Variants in SP3 observed in about 807,000 individuals in gnomAD.
SP3 encodes transcription factor Sp3.
SP3 carries 10 observed loss-of-function variants against 70.3 expected under a neutral mutation model. The ratio of observed to expected loss-of-function variants is 0.14; its 90% CI spans 0.09 to 0.24. SP3 has a LOEUF of 0.24. SP3 is among the 10% of genes least tolerant of loss of function. The pLI, the probability that SP3 is intolerant of heterozygous loss-of-function variation, is 1.00. For synonymous variants in SP3, 402 were observed against 333.5 expected, an observed-to-expected ratio of 1.21 and a Z score of -2.24; for missense variants, 825 against 914.6, an observed-to-expected ratio of 0.90 and a Z score of 1.26.
chr2:173,910,332 A>G, intron 6 of SP3, 75 bp from the exon 7 acceptor site: 1 of 1,277,180 alleles, frequency 7.8e-7, no homozygotes, highest in Admixed American at 1.9e-5. Context: ...CCCAAAACAG[A>G]AAGTAAGTCA....
intron 5 of SP3, 49 bp downstream of exon 5, chr2:173,918,544 A>G (rs750200821): frequency 4.0e-6 from 6 of 1,513,202 alleles, no homozygotes; most frequent in Non-Finnish European, 5.4e-6. Flanking sequence ...CAAAAATCAG[A>G]ATGATATTAG....
intron 6 of SP3, among the ~76,000 whole-genome samples, chr2:173,912,287 C>A (rs1009560142): frequency 6.6e-6 from 1 of 152,206 alleles, no homozygotes; most frequent in African/African-American, 2.4e-5. Context: ...ATATGTGAAG[C>A]AACGTCAGAG....
intron 3 of SP3, among the ~76,000 whole-genome samples, chr2:173,957,694 A>G (rs1419021064): frequency 1.3e-5 from 2 of 152,164 alleles, no homozygotes; most frequent in Admixed American, 1.3e-4. Context: ...TAAAAGGTTT[A>G]TAAGCAAGTG....
intron 4 of SP3, among the ~76,000 whole-genome samples, chr2:173,949,973 A>T (rs1272450711): frequency 6.6e-6 from 1 of 152,228 alleles, no homozygotes; most frequent in Non-Finnish European, 1.5e-5. Flanking sequence ...TTGGAAAGAT[A>T]CATAAATTCA....
intron 4 of SP3, among the ~76,000 whole-genome samples, chr2:173,940,692 A>T (rs987844467): frequency 1.3e-5 from 2 of 152,192 alleles, no homozygotes; most frequent in African/African-American, 4.8e-5. Flanking sequence ...TAATTATTCA[A>T]GCAGGCACCC....
At position 173,965,314 on chromosome 2, in the gene SP3, T is replaced by A; in HGVS notation, c.-143A>T. 1 of 969,658 alleles carries A rather than the reference T, an allele frequency of 1.0e-6. No homozygotes were observed. The highest frequency in any genetic ancestry group is 1.6e-6 in the Non-Finnish European group (1 of 641,846). The allele number at this position is 969,658 out of a possible 1,614,324, so 60.1% of individuals were successfully genotyped here. A position where few individuals can be genotyped will look rare whatever the true frequency, so the allele number is the denominator to read the frequency against. On this transcript the variant is annotated 5_prime_UTR_variant, in exon 1 of 7. Coordinates refer to ENST00000310015, the MANE Select transcript of SP3 (RefSeq NM_003111.5). ...GGGGATTTTTTTTTCCTATTTTGAT[T>A]GACTGTGCGGGAAACACAAAAGGTG...
At position 173,955,845 on chromosome 2, in the gene SP3, T is replaced by C; in HGVS notation, c.667A>G (p.Asn223Asp). 10 of 1,614,246 alleles carry C rather than the reference T, an allele frequency of 6.2e-6. No individual in the cohort carries two copies. Among genetic ancestry groups the C allele is most frequent in the Non-Finnish European group, 8.5e-6 (10 of 1,180,030 alleles). ...TLLASGTPSA[N>D]IQNLIPQTGQ... ...GTCTGTGGTATGAGATTCTGGATGT[T>C]AGCAGAAGGTGTTCCAGAGGCAAGT... The change falls in exon 4 of 7, where the codon AAC becomes GAC. Residue 223 changes from asparagine to aspartate, a missense_variant. Transcript: ENST00000310015.
At chr2:173,961,427 A>ACAATATATATG (rs1413798729) in intron 3 of SP3, among the ~76,000 whole-genome samples, 1 of 152,210 alleles carries the variant, frequency 6.6e-6, no homozygotes, top group East Asian at 1.9e-4. Flanking sequence ...ACTTGTTTAA[A>ACAATATATATG]CACAACAATA....
chr2:173,951,351 T>G (rs1042533683), intron 4 of SP3, among the ~76,000 whole-genome samples: 1 of 152,250 alleles, frequency 6.6e-6, no homozygotes, highest in Middle Eastern at 3.2e-3. Flanking sequence ...TCATGTAGTA[T>G]ATGTGTATAC....
chr2:173,908,752 G>T lies in SP3; in HGVS notation c.*1189C>A, dbSNP rs967819578. ...ATGTAACTTTATTTTGTACATTTTT[G>T]AATTGAAAATATAAACAATAATTAA... On this transcript the variant is annotated 3_prime_UTR_variant, in exon 7 of 7. Coordinates refer to ENST00000310015, the MANE Select transcript of SP3 (RefSeq NM_003111.5). 2 of 151,888 alleles carry T rather than the reference G, an allele frequency of 1.3e-5. No homozygotes were observed. Among genetic ancestry groups the T allele is most frequent in the South Asian group, 2.1e-4 (1 of 4,816 alleles). 9.4% of individuals were successfully genotyped at this position (151,888 alleles called of 1,614,324 possible). A position where few individuals can be genotyped will look rare whatever the true frequency, so the allele number is the denominator to read the frequency against.
In SP3 at chr2:173,904,806, G is replaced by T. The variant is rs1171261112; in HGVS notation, c.*5135C>A. Among the ~76,000 whole-genome samples, 1 of 152,198 alleles carries T rather than the reference G, an allele frequency of 6.6e-6. No homozygotes were observed. The highest frequency in any genetic ancestry group is 1.5e-5 in the Non-Finnish European group (1 of 68,034). ...AAAGGTCACTAAGCCAATACTTCCT[G>T]TATTTCGTTGTTGTCGATTAATCGG... On this transcript the variant is annotated 3_prime_UTR_variant, in exon 7 of 7. Transcript: ENST00000310015.
Position 173,901,245 on chromosome 2 carries a change from C to A in SP3, c.*8696G>T, listed in dbSNP as rs1481913566. ...AATTTTTAGACAAAAATTTTTATGACAGTAGGTAAAGAATTTCTTAAGACA... is the reference window on the plus strand; with the variant it reads ...AATTTTTAGACAAAAATTTTTATGAAAGTAGGTAAAGAATTTCTTAAGACA... On this transcript the variant is annotated 3_prime_UTR_variant, in exon 7 of 7. Transcript: ENST00000310015. Among the ~76,000 whole-genome samples the A allele has an allele frequency of 1.4e-5, 2 of 146,494 alleles. No individual in the cohort carries two copies. The highest frequency in any genetic ancestry group is 3.1e-5 in the Non-Finnish European group (2 of 65,230).
At chr2:173,914,156 C>G (rs1216399163) in intron 5 of SP3, 1 of 110,690 alleles carries the variant, frequency 9.0e-6, no homozygotes, top group African/African-American at 3.7e-5. Flanking sequence ...AATGTTATTT[C>G]TCAACCTTTT....
chr2:173,951,693 A>G (rs1049825538), intron 4 of SP3, among the ~76,000 whole-genome samples: 1 of 152,180 alleles, frequency 6.6e-6, no homozygotes, highest in South Asian at 2.1e-4. Context: ...GTTTTCTTTG[A>G]ATACTACACC....
chr2:173,950,144 A>G, intron 4 of SP3, among the ~76,000 whole-genome samples: 1 of 152,260 alleles, frequency 6.6e-6, no homozygotes, highest in Admixed American at 6.5e-5. Flanking sequence ...TGATGTTTCC[A>G]GGAAGATGGA....
chr2:173,911,131 C>CTA (rs1296573729), intron 6 of SP3, among the ~76,000 whole-genome samples: 1 of 152,184 alleles, frequency 6.6e-6, no homozygotes, highest in African/African-American at 2.4e-5. Flanking sequence ...CATGCTTGAA[C>CTA]TATACTGCAG....
intron 5 of SP3, chr2:173,913,546 G>T (rs1393595020): frequency 4.6e-6 from 1 of 215,512 alleles, no homozygotes; most frequent in Non-Finnish European, 9.1e-6. Context: ...CATATGTAAA[G>T]AATGTACAAT....
chr2:173,917,707 A>G (rs1689648998), intron 5 of SP3, among the ~76,000 whole-genome samples: 1 of 152,120 alleles, frequency 6.6e-6, no homozygotes. Flanking sequence ...GTATGGCTTT[A>G]GAGTTCTATC....
chr2:173,965,379 G>A (rs1691262586), upstream of SP3: 1 of 589,376 alleles, frequency 1.7e-6, no homozygotes. Flanking sequence ...GTGACAGCCC[G>A]CCCGGAACTC....
Sources: gnomAD v4.1 joint callset for allele counts (sites outside exome capture counted in the v4.1 genomes callset) on GRCh38, gnomAD v4.1.1 for gene constraint, MANE v1.5 for transcripts, NCBI Gene and HGNC (gene_info 2026-07-23, HGNC 2026-07-21) for gene names.